ITGA3: variants seen among roughly 807,000 people sequenced by gnomAD.
ITGA3 encodes integrin alpha-3.
ITGA3 carries 70 observed loss-of-function variants against 131.1 expected under a neutral mutation model. The ratio of observed to expected loss-of-function variants is 0.53; its 90% CI spans 0.44 to 0.65. The LOEUF (loss-of-function observed/expected upper bound fraction) is 0.65. ITGA3 is among the 30% of genes least tolerant of loss of function. The pLI is 0.00. For synonymous variants in ITGA3, 537 were observed against 571.6 expected, an observed-to-expected ratio of 0.94 and a Z score of 0.86; for missense variants, 1,098 against 1,388.6, an observed-to-expected ratio of 0.79 and a Z score of 3.33.
Position 50,090,177 on chromosome 17 carries a change from C to T in ITGA3, c.*1099C>T, listed in dbSNP as rs1219935861. 6 of 450,198 alleles carry T rather than the reference C, an allele frequency of 1.3e-5. No individual in the cohort carries two copies. The highest frequency in any genetic ancestry group is 9.5e-5 in the Admixed American group (4 of 42,322). The allele number at this position is 450,198 out of a possible 1,614,324, so 27.9% of individuals were successfully genotyped here. ...TGTAGAATAGGCAGGGGGCCCTGCC[C>T]CACCCCATCCAGCCAGACCCCACGC... On this transcript the variant is annotated 3_prime_UTR_variant, in exon 26 of 26. Coordinates refer to ENST00000320031, the MANE Select transcript of ITGA3 (RefSeq NM_002204.4).
At chr17:50,087,657 A>G in intron 23 of ITGA3, 87 bp from the exon 24 acceptor site, 2 of 1,442,986 alleles carry the variant, frequency 1.4e-6, no homozygotes, top group Non-Finnish European at 1.9e-6. Flanking sequence ...GACAAACAGC[A>G]GGTGCCTGGG....
At chr17:50,074,094 C>A (rs764296048) in intron 8 of ITGA3, 50 bp from the exon 9 acceptor site, 1 of 1,568,676 alleles carries the variant, frequency 6.4e-7, no homozygotes, top group South Asian at 1.1e-5. Flanking sequence ...CTGTAGCCCC[C>A]TGGGCCCTGC....
chr17:50,066,619 A>G lies in ITGA3; in HGVS notation c.415-1437A>G, dbSNP rs1908361002. ...GCAAAATTCCATCTCTACCAAAAAT[A>G]TATAAATTAGCCCGGCATGGTGGTA... On this transcript the variant is annotated intron_variant, in intron 3 of 25. Coordinates refer to ENST00000320031, the MANE Select transcript of ITGA3 (RefSeq NM_002204.4). Among the ~76,000 whole-genome samples, 5 of 152,108 alleles carry G rather than the reference A, an allele frequency of 3.3e-5. No homozygotes were observed. The South Asian group carries it at 1.0e-3, about 32-fold the overall frequency.
At position 50,064,512 on chromosome 17, in the gene ITGA3, C is replaced by A; in HGVS notation, c.335-16C>A. On this transcript the variant is annotated splice_polypyrimidine_tract_variant and intron_variant, in intron 2 of 25. Coordinates refer to ENST00000320031, the MANE Select transcript of ITGA3 (RefSeq NM_002204.4). This position sits in a 1 kb window ranked among gnomAD's most constrained non-coding sequence, Gnocchi z 4.4. ...GGGTGAGGTGCTCTGATTCATGATCCTTCCGGTGCCCACAGATGACCCTGG... is the reference window on the plus strand; with the variant it reads ...GGGTGAGGTGCTCTGATTCATGATCATTCCGGTGCCCACAGATGACCCTGG... 1 of 1,606,198 alleles carries A rather than the reference C, an allele frequency of 6.2e-7. No homozygotes were observed. The highest frequency in any genetic ancestry group is 8.5e-7 in the Non-Finnish European group (1 of 1,176,876).
At chr17:50,084,680 G>T (rs1909314180) in intron 23 of ITGA3, among the ~76,000 whole-genome samples, 1 of 152,192 alleles carries the variant, frequency 6.6e-6, no homozygotes, top group Non-Finnish European at 1.5e-5. Context: ...AACACTTTGG[G>T]AGGCCAAGGT....
chr17:50,060,775 CCTT>C (rs145029411), intron 1 of ITGA3, among the ~76,000 whole-genome samples: 4 of 152,294 alleles, frequency 2.6e-5, no homozygotes, highest in African/African-American at 7.2e-5. Context: ...TACTCTCCCT[CCTT>C]CTGGCTGCAG....
intron 17 of ITGA3, 37 bp from the exon 18 acceptor site, chr17:50,078,170 T>C (rs897371504): frequency 1.9e-6 from 3 of 1,613,160 alleles, no homozygotes; most frequent in African/African-American, 2.7e-5. Context: ...CTGAGGTATC[T>C]TGGATCACCT....
At position 50,057,048 on chromosome 17, in the gene ITGA3, A is replaced by C. The variant is rs1598176938; in HGVS notation, c.206+403A>C. On this transcript the variant is annotated intron_variant, in intron 1 of 25. Coordinates refer to ENST00000320031, the MANE Select transcript of ITGA3 (RefSeq NM_002204.4). ...TTCCCGTACGCTTGGGGGAAAAATG[A>C]GCATATACATTTAAGCACCTCGCTG... is the stretch of plus-strand genomic sequence containing the variant. Among the ~76,000 whole-genome samples, 4 of 152,262 alleles carry C rather than the reference A, an allele frequency of 2.6e-5. No homozygotes were observed. The East Asian group carries it at 7.7e-4, about 29-fold the overall frequency.
chr17:50,064,721 G>C lies in ITGA3; in HGVS notation c.414+114G>C. 5 of 764,316 alleles carry C rather than the reference G, an allele frequency of 6.5e-6. No individual in the cohort carries two copies. Among genetic ancestry groups the C allele is most frequent in the Non-Finnish European group, 8.5e-6 (4 of 468,600 alleles). The allele number at this position is 764,316 out of a possible 1,614,324, so 47.3% of individuals were successfully genotyped here. A position where few individuals can be genotyped will look rare whatever the true frequency, so the allele number is the denominator to read the frequency against. On this transcript the variant is annotated intron_variant, in intron 3 of 25. Transcript: ENST00000320031. The surrounding 1 kb of genome is among the most constrained non-coding windows in gnomAD (Gnocchi z 4.4). The stretch of plus-strand genomic sequence containing the variant: ...GGGTCCACGGCGCGTGTGTGCTGGG[G>C]CCTGCACACATGTCCCTTCCTGTGG...
chr17:50,072,649 A>C (rs560103126), intron 7 of ITGA3, among the ~76,000 whole-genome samples: 1 of 152,190 alleles, frequency 6.6e-6, no homozygotes, highest in African/African-American at 2.4e-5. Context: ...ATCCAGAGAA[A>C]GTTTTAGGGC....
At chr17:50,076,549 G>C (rs772192241) in intron 13 of ITGA3, 35 bp from the exon 14 acceptor site, 1 of 1,608,000 alleles carries the variant, frequency 6.2e-7, no homozygotes, top group Admixed American at 1.7e-5. Flanking sequence ...ACTGGGGGGG[G>C]TGGTGCGGCC....
At chr17:50,060,908 A>G (rs950614103) in intron 1 of ITGA3, among the ~76,000 whole-genome samples, 7 of 152,142 alleles carry the variant, frequency 4.6e-5, no homozygotes, top group Non-Finnish European at 1.0e-4. Context: ...TTTGCATTTC[A>G]TTTGCATACA....
intron 22 of ITGA3, among the ~76,000 whole-genome samples, chr17:50,080,668 C>T (rs539035656): frequency 6.6e-6 from 1 of 152,186 alleles, no homozygotes; most frequent in East Asian, 1.9e-4. Context: ...TTTATCTCTG[C>T]GTGTAAACCC....
intron 23 of ITGA3, among the ~76,000 whole-genome samples, chr17:50,085,919 A>G (rs189096268): frequency 0.082 from 3,037 of 36,918 alleles, 387 homozygotes; most frequent in African/African-American, 0.15. Context: ...GATTTATAAT[A>G]TATATTAGAT....
At position 50,068,585 on chromosome 17, in the gene ITGA3, C is replaced by T. The variant is rs567782845; in HGVS notation, c.664+280C>T. Among the ~76,000 whole-genome samples the T allele has an allele frequency of 4.6e-5, 7 of 152,004 alleles. No homozygotes were observed. The East Asian group carries it at 5.8e-4, about 13-fold the overall frequency. ...GCACATTCATGGCTCACTGCAGCCT[C>T]GACCTCCCCAGGCTCAGGTGATCCT... On this transcript the variant is annotated intron_variant, in intron 4 of 25. Transcript: ENST00000320031.
intron 20 of ITGA3, 32 bp from the exon 21 acceptor site, chr17:50,079,402 GC>G (rs1909078148): frequency 6.5e-7 from 1 of 1,546,934 alleles, no homozygotes; most frequent in Non-Finnish European, 8.7e-7. Flanking sequence ...TTCTTCCTCT[GC>G]CCTGCCAGCA....
intron 23 of ITGA3, among the ~76,000 whole-genome samples, chr17:50,081,888 G>C (rs907259540): frequency 2.0e-5 from 3 of 152,222 alleles, no homozygotes; most frequent in Non-Finnish European, 4.4e-5. Flanking sequence ...TATGTATAGA[G>C]AGAAAGGCAG....
chr17:50,078,802 C>A (rs755898444), intron 18 of ITGA3, 22 bp from the exon 19 acceptor site: 2 of 1,482,592 alleles, frequency 1.3e-6, no homozygotes, highest in African/African-American at 2.8e-5. Context: ...CCCCGTGACT[C>A]CAGCATCCTT....
Position 50,078,083 on chromosome 17 carries a change from C to A in ITGA3, c.2177C>A (p.Thr726Asn). The A allele has an allele frequency of 6.2e-7, 1 of 1,613,770 alleles. No homozygotes were observed. Among genetic ancestry groups the A allele is most frequent in the African/African-American group, 1.3e-5 (1 of 75,030 alleles). The change falls in exon 17 of 26, where the codon ACC (threonine) becomes AAC (asparagine). Residue 726 changes from threonine to asparagine, a missense_variant. Thr to Asn is a moderately conservative substitution (Grantham distance 65). Around this residue, in one of 3 missense-constraint regions of ITGA3, gnomAD observed 699 missense variants for 829.2 expected, o/e 0.84. Transcript: ENST00000320031. Reference sequence around the variant, plus strand: ...ATCGCCTTTGAGGTCATCGGGGTGACCCTGCACACAAGGGACCTTCAGGTG... The same window carrying A: ...ATCGCCTTTGAGGTCATCGGGGTGAACCTGCACACAAGGGACCTTCAGGTG... ...LLIAFEVIGV[T>N]LHTRDLQVQL...
Sources: gnomAD v4.1 joint callset for allele counts (sites outside exome capture counted in the v4.1 genomes callset) on GRCh38, gnomAD v4.1.1 for gene constraint, gnomAD v4.1.1 regional missense constraint, Gnocchi (gnomAD v3.1) non-coding constraint, MANE v1.5 for transcripts, NCBI Gene and HGNC (gene_info 2026-07-23, HGNC 2026-07-21) for gene names.